Variants in DGKB observed in about 807,000 individuals in gnomAD.
DGKB encodes 90 kDa diacylglycerol kinase.
A neutral mutation model predicts 114.3 loss-of-function variants in DGKB; 67 were observed. The observed-to-expected ratio is 0.59, with a 90% CI of 0.48 to 0.72. The LOEUF (loss-of-function observed/expected upper bound fraction) is 0.72. DGKB is among the 30% of genes least tolerant of loss of function. DGKB has a pLI of 0.00. For missense variants in DGKB, 907 were observed against 975.2 expected (o/e 0.93, Z 0.93); for synonymous variants, 398 against 323.1 (o/e 1.23, Z -2.49).
At chr7:14,623,545 T>C (rs1441466989) in intron 14 of DGKB, among the ~76,000 whole-genome samples, 1 of 152,124 alleles carries the variant, frequency 6.6e-6, no homozygotes, top group Non-Finnish European at 1.5e-5. Flanking sequence ...TTAAATATAT[T>C]AGGGCTAGAT....
chr7:14,504,494 G>A (rs1363610879), intron 20 of DGKB, among the ~76,000 whole-genome samples: 4 of 152,192 alleles, frequency 2.6e-5, no homozygotes, highest in Non-Finnish European at 5.9e-5. Flanking sequence ...AAATGAACTT[G>A]TTGACTATTT....
At chr7:14,579,564 T>C (rs1799632040) in intron 19 of DGKB, among the ~76,000 whole-genome samples, 1 of 152,208 alleles carries the variant, frequency 6.6e-6, no homozygotes, top group Non-Finnish European at 1.5e-5. Flanking sequence ...ACAAGTATCT[T>C]ATCAGAAATG....
chr7:14,590,170 A>T (rs1240958387), intron 17 of DGKB, among the ~76,000 whole-genome samples: 6 of 151,992 alleles, frequency 3.9e-5, no homozygotes, highest in Non-Finnish European at 2.9e-5. Flanking sequence ...TAATAAAAAA[A>T]AAAACATTAA....
intron 23 of DGKB, among the ~76,000 whole-genome samples, chr7:14,186,456 GT>G (rs1783451912): frequency 6.6e-6 from 1 of 152,198 alleles, no homozygotes; most frequent in South Asian, 2.1e-4. Flanking sequence ...AAAAAACAGT[GT>G]GGAGATTCCT....
chr7:14,313,057 A>C (rs1585070583), intron 23 of DGKB, among the ~76,000 whole-genome samples: 2 of 152,258 alleles, frequency 1.3e-5, no homozygotes, highest in African/African-American at 2.4e-5. Context: ...AATGCAAAAG[A>C]GTACAAAAAA....
At chr7:14,490,950 A>ATT (rs36095823) in intron 20 of DGKB, among the ~76,000 whole-genome samples, 2 of 146,866 alleles carry the variant, frequency 1.4e-5, no homozygotes, top group African/African-American at 2.5e-5. Context: ...AATTGTGGTA[A>ATT]TTTTTTTTTT....
chr7:14,275,703 TTAA>T (rs1798892943), intron 23 of DGKB, among the ~76,000 whole-genome samples: 2 of 152,206 alleles, frequency 1.3e-5, no homozygotes, highest in Non-Finnish European at 2.9e-5. Context: ...CTAGCAATTC[TTAA>T]TAGTGGTAGG....
At chr7:14,163,149 T>C (rs1274839143) in intron 25 of DGKB, among the ~76,000 whole-genome samples, 6 of 152,188 alleles carry the variant, frequency 3.9e-5, no homozygotes, top group African/African-American at 1.4e-4. Context: ...AGATGACACC[T>C]TGGAATATTT....
intron 23 of DGKB, among the ~76,000 whole-genome samples, chr7:14,287,124 A>G (rs1431435371): frequency 1.3e-5 from 2 of 152,142 alleles, no homozygotes; most frequent in Non-Finnish European, 2.9e-5. Context: ...TCCATTAGAA[A>G]AGCAGATTTG....
At chr7:14,389,367 C>G (rs996639737) in intron 21 of DGKB, among the ~76,000 whole-genome samples, 16 of 152,112 alleles carry the variant, frequency 1.1e-4, no homozygotes, top group African/African-American at 3.9e-4. Context: ...GAAATTCAGT[C>G]AGGCGATTAA....
chr7:14,311,373 C>T (rs1480597628), intron 23 of DGKB, among the ~76,000 whole-genome samples: 1 of 151,992 alleles, frequency 6.6e-6, no homozygotes, highest in East Asian at 1.9e-4. Context: ...GTTTTTTGTT[C>T]TATATGTAAC....
At chr7:14,632,089 T>C (rs1308021834) in intron 13 of DGKB, among the ~76,000 whole-genome samples, 1 of 151,914 alleles carries the variant, frequency 6.6e-6, no homozygotes, top group Non-Finnish European at 1.5e-5. Flanking sequence ...GTCTAAATGG[T>C]TCAGAATAAC....
rs1786920345 is a variant in DGKB at position 14,962,636 on chromosome 7, T to TTTG, written c.-188+12059_-188+12060insCAA. 3.7e-3 allele frequency among the ~76,000 whole-genome samples: 529 copies of TTTG among 142,024 alleles called. 3 individuals carry two copies. The highest frequency in any genetic ancestry group is 0.013 in the African/African-American group (506 of 39,576). The allele number at this position is 142,024 out of a possible 152,430, so 93.2% of individuals were successfully genotyped here. ...GCTATAGCTGTGTGTGTGTGTGTGT[T>TTTG]TGTGTGTGTGTGTGTGTGTGTGTGT... On this transcript the variant is annotated intron_variant, in intron 1 of 4. Coordinates refer to the DGKB transcript ENST00000437998.
intron 20 of DGKB, among the ~76,000 whole-genome samples, chr7:14,553,048 G>A (rs115636191): frequency 9.8e-5 from 15 of 152,348 alleles, no homozygotes; most frequent in African/African-American, 3.1e-4. Context: ...AAAGTCAAAT[G>A]TTAAGAAGCA....
At chr7:14,561,590 A>T (rs1421749897) in intron 20 of DGKB, among the ~76,000 whole-genome samples, 2 of 152,198 alleles carry the variant, frequency 1.3e-5, no homozygotes, top group Non-Finnish European at 2.9e-5. Flanking sequence ...AATAAGATCC[A>T]GGCTGAGGTA....
intron 1 of DGKB, among the ~76,000 whole-genome samples, chr7:14,957,814 T>A (rs1786598271): frequency 1.3e-5 from 2 of 152,046 alleles, no homozygotes; most frequent in African/African-American, 4.8e-5. Flanking sequence ...TTATTTAATT[T>A]GGCAATAAAG....
intron 5 of DGKB, among the ~76,000 whole-genome samples, chr7:14,727,396 T>A (rs1008266002): frequency 3.3e-5 from 5 of 152,050 alleles, no homozygotes; most frequent in Non-Finnish European, 7.4e-5. Flanking sequence ...AAGGAAGAGG[T>A]TGGCAGGATA....
intron 1 of DGKB, among the ~76,000 whole-genome samples, chr7:14,865,512 T>C (rs1393367129): frequency 1.3e-5 from 2 of 152,230 alleles, no homozygotes; most frequent in Non-Finnish European, 2.9e-5. Flanking sequence ...TTAAAACTTC[T>C]CTTTACCGTC....
In DGKB at chr7:14,580,850, C is replaced by G; in HGVS notation, c.1609+12G>C. 6.3e-7 allele frequency: 1 copy of G among 1,584,518 alleles called. No individual in the cohort carries two copies. The highest frequency in any genetic ancestry group is 8.6e-7 in the Non-Finnish European group (1 of 1,161,922). On this transcript the variant is annotated intron_variant, in intron 19 of 25. Coordinates refer to ENST00000402815, the MANE Select transcript of DGKB (RefSeq NM_001350709.2). ...TGTACTGTTTCTGCTTTTGTTGTTGCAGCTGCTTTACCTCCTCCCCATCGC... is the reference window on the plus strand; with the variant it reads ...TGTACTGTTTCTGCTTTTGTTGTTGGAGCTGCTTTACCTCCTCCCCATCGC...
Sources: gnomAD v4.1 joint callset for allele counts (sites outside exome capture counted in the v4.1 genomes callset) on GRCh38, gnomAD v4.1.1 for gene constraint, MANE v1.5 for transcripts, NCBI Gene and HGNC (gene_info 2026-07-23, HGNC 2026-07-21) for gene names.